BBOX1: variants seen among roughly 807,000 people sequenced by gnomAD.
The protein encoded by BBOX1 is gamma-butyrobetaine hydroxylase 1.
A neutral mutation model predicts 41.6 loss-of-function variants in BBOX1; 35 were observed. The observed-to-expected ratio is 0.84, with a 90% confidence interval of 0.64 to 1.11. The LOEUF is 1.11. BBOX1 is among the 50% of genes most tolerant of loss of function. BBOX1 has a pLI of 0.00. For missense variants in BBOX1, 458 were observed against 460.6 expected (o/e 0.99, Z 0.05); for synonymous variants, 163 against 154.7 (o/e 1.05, Z -0.40).
At chr11:27,064,906 G>A (rs2351070) in intron 4 of BBOX1, among the ~76,000 whole-genome samples, 47,598 of 146,532 alleles carry the variant, frequency 0.32, 7,785 homozygotes, top group East Asian at 0.45. Flanking sequence ...TGTCAGACAT[G>A]AAAAAAAAAA....
intron 2 of BBOX1, among the ~76,000 whole-genome samples, chr11:27,050,382 T>C (rs1457249111): frequency 6.6e-6 from 1 of 152,152 alleles, no homozygotes; most frequent in Non-Finnish European, 1.5e-5. Context: ...TAAAATTTAT[T>C]TGATAAATGT....
chr11:27,045,013 CT>C (rs1248140005), intron 2 of BBOX1, among the ~76,000 whole-genome samples: 2 of 152,244 alleles, frequency 1.3e-5, no homozygotes, highest in South Asian at 4.1e-4. Flanking sequence ...TATAAATTAC[CT>C]TGGGCAGTAT....
chr11:27,055,672 T>C (rs749354502), intron 3 of BBOX1, 23 bp downstream of exon 3: 1 of 1,581,446 alleles, frequency 6.3e-7, no homozygotes. Flanking sequence ...AAATTATGTC[T>C]CCCTTCTTTC....
chr11:27,044,668 C>G (rs769112138), intron 2 of BBOX1, among the ~76,000 whole-genome samples: 2 of 152,128 alleles, frequency 1.3e-5, no homozygotes, highest in African/African-American at 2.4e-5. Context: ...CCAGTTTTCC[C>G]AACACCATTT....
At chr11:27,074,715 G>C (rs936050282) in intron 4 of BBOX1, among the ~76,000 whole-genome samples, 2 of 152,190 alleles carry the variant, frequency 1.3e-5, no homozygotes, top group Non-Finnish European at 2.9e-5. Context: ...TGTGAACAAA[G>C]AGATTAGCTA....
chr11:27,125,853 G>A (rs1394690743), intron 8 of BBOX1, 33 bp downstream of exon 8: 1 of 1,587,938 alleles, frequency 6.3e-7, no homozygotes, highest in Non-Finnish European at 8.6e-7. Context: ...ATAACCAAAA[G>A]CATGGATTTT....
intron 4 of BBOX1, among the ~76,000 whole-genome samples, chr11:27,076,448 CCTT>C (rs1857633788): frequency 6.6e-6 from 1 of 152,172 alleles, no homozygotes; most frequent in African/African-American, 2.4e-5. Flanking sequence ...CACATTTTCT[CCTT>C]CTTGAGCACT....
chr11:27,083,305 G>GA (rs937633890), intron 4 of BBOX1, among the ~76,000 whole-genome samples: 1 of 152,020 alleles, frequency 6.6e-6, no homozygotes, highest in Non-Finnish European at 1.5e-5. Context: ...CAATATTGGT[G>GA]AAAAAATAAA....
intron 5 of BBOX1, among the ~76,000 whole-genome samples, chr11:27,104,514 T>A (rs1288022202): frequency 6.6e-6 from 1 of 152,208 alleles, no homozygotes; most frequent in Non-Finnish European, 1.5e-5. Flanking sequence ...ATTTCACCAC[T>A]ATCATTTAAA....
intron 4 of BBOX1, among the ~76,000 whole-genome samples, chr11:27,079,377 C>T (rs898277711): frequency 2.0e-5 from 3 of 152,058 alleles, no homozygotes; most frequent in African/African-American, 7.2e-5. Flanking sequence ...CCTGTGTTAT[C>T]TATTAGTTAG....
chr11:27,088,221 T>C (rs1858113748), intron 4 of BBOX1, among the ~76,000 whole-genome samples: 1 of 152,040 alleles, frequency 6.6e-6, no homozygotes, highest in Non-Finnish European at 1.5e-5. Context: ...AGTCAAAATA[T>C]AAACTCAACG....
At chr11:27,062,261 GAGA>G (rs930250412) in intron 4 of BBOX1, among the ~76,000 whole-genome samples, 5 of 152,296 alleles carry the variant, frequency 3.3e-5, no homozygotes, top group African/African-American at 1.2e-4. Flanking sequence ...TTAGGCAACA[GAGA>G]AGAAGGAAGG....
intron 4 of BBOX1, among the ~76,000 whole-genome samples, chr11:27,084,329 T>A (rs183304663): frequency 2.8e-4 from 42 of 152,268 alleles, no homozygotes; most frequent in African/African-American, 9.9e-4. Flanking sequence ...CTGGATAGAC[T>A]GCCTCAATAA....
chr11:27,050,476 C>T (rs987692756), intron 2 of BBOX1, among the ~76,000 whole-genome samples: 2 of 152,062 alleles, frequency 1.3e-5, no homozygotes, highest in African/African-American at 4.8e-5. Flanking sequence ...TCATTCAAAT[C>T]CAAGAACACA....
In BBOX1 at chr11:27,113,280, C is replaced by G. The variant is rs570852130; in HGVS notation, c.534-2172C>G. On this transcript the variant is annotated intron_variant, in intron 5 of 8. Transcript: ENST00000263182. Reference sequence around the variant, plus strand: ...AGACCTTAAAAACATTATCATTTGACCCAGCAATGCCACTATTGAGTGTAT... The same window carrying G: ...AGACCTTAAAAACATTATCATTTGAGCCAGCAATGCCACTATTGAGTGTAT... Among the ~76,000 whole-genome samples the G allele has an allele frequency of 5.9e-5, 9 of 151,942 alleles. No homozygotes were observed. The South Asian group carries it at 1.9e-3, about 32-fold the overall frequency.
intron 4 of BBOX1, among the ~76,000 whole-genome samples, chr11:27,068,615 G>A (rs558503696): frequency 6.6e-6 from 1 of 151,876 alleles, no homozygotes; most frequent in East Asian, 1.9e-4. Context: ...TGCTACATTT[G>A]CTTTTGGGGT....
intron 4 of BBOX1, among the ~76,000 whole-genome samples, chr11:27,075,623 C>T (rs1857607212): frequency 6.6e-6 from 1 of 152,176 alleles, no homozygotes; most frequent in Non-Finnish European, 1.5e-5. Flanking sequence ...CCCAGTGCTA[C>T]AGCTATTCAA....
At chr11:27,047,823 T>C (rs1851533571) in intron 2 of BBOX1, among the ~76,000 whole-genome samples, 1 of 152,024 alleles carries the variant, frequency 6.6e-6, no homozygotes, top group Non-Finnish European at 1.5e-5. Context: ...CTTCAAACAG[T>C]AAGTGGCATA....
chr11:27,127,376 G>A lies in BBOX1; in HGVS notation c.1087G>A (p.Glu363Lys). ...AGGAACTGAGATATCCCGCCATCTA[G>A]AAGGAGCTTATGCTGACTGGGATGT... ...EAGTEISRHL[E>K]GAYADWDVVM... Residue 363 changes from glutamate (E) to lysine (K), a missense_variant, in exon 9 of 9, where the codon GAA becomes AAA. Coordinates refer to ENST00000263182, the MANE Select transcript of BBOX1 (RefSeq NM_003986.3). 6.2e-7 allele frequency: 1 copy of A among 1,614,180 alleles called. No individual in the cohort carries two copies. The highest frequency in any genetic ancestry group is 1.1e-5 in the South Asian group (1 of 91,076).
Sources: gnomAD v4.1 joint callset for allele counts (sites outside exome capture counted in the v4.1 genomes callset) on GRCh38, gnomAD v4.1.1 for gene constraint, MANE v1.5 for transcripts, NCBI Gene and HGNC (gene_info 2026-07-23, HGNC 2026-07-21) for gene names.